Variants in TRERF1 observed in about 807,000 individuals in gnomAD.
TRERF1 encodes transcriptional-regulating factor 1.
Under a neutral mutation model 122.9 loss-of-function variants are expected in TRERF1, and 27 were observed. That is an observed-to-expected ratio of 0.22 (90% CI 0.16 to 0.30). TRERF1 has a LOEUF of 0.30. TRERF1 is among the 10% of genes least tolerant of loss of function. The pLI is 1.00. For synonymous variants in TRERF1, 636 were observed against 641.7 expected (o/e 0.99, Z 0.13); for missense variants, 1,248 against 1,560.3 (o/e 0.80, Z 3.37).
At chr6:42,331,554 TA>T (rs1419986486) in intron 3 of TRERF1, among the ~76,000 whole-genome samples, 3 of 152,254 alleles carry the variant, frequency 2.0e-5, no homozygotes, top group African/African-American at 7.2e-5. Flanking sequence ...GCCCACCGGA[TA>T]ACCACTAAGT....
At chr6:42,371,320 G>A (rs1229524113) in intron 2 of TRERF1, among the ~76,000 whole-genome samples, 1 of 152,192 alleles carries the variant, frequency 6.6e-6, no homozygotes, top group African/African-American at 2.4e-5. Flanking sequence ...CCTAAACAAA[G>A]AACTCTCAAC....
rs941929915 is a variant in TRERF1, at chr6:42,309,054, A to G, written c.-370-8305T>C. Among the ~76,000 whole-genome samples, 3 of 152,144 alleles carry G rather than the reference A, an allele frequency of 2.0e-5. No individual in the cohort carries two copies. In the East Asian group the frequency reaches 5.8e-4, roughly 29 times the overall value. ...TAAAAGAAGCTTCCTGGGCCCTACC[A>G]TTAGAGACTTTAACTCATTAGGTCT... On this transcript the variant is annotated intron_variant, in intron 3 of 17. Coordinates refer to ENST00000372922, the Ensembl canonical transcript of TRERF1.
At chr6:42,230,779 G>T (rs1006813527) in intron 17 of TRERF1, among the ~76,000 whole-genome samples, 1 of 152,166 alleles carries the variant, frequency 6.6e-6, no homozygotes, top group Non-Finnish European at 1.5e-5. Flanking sequence ...GTGCTTCATG[G>T]GGGGAAGTGA....
chr6:42,430,026 G>T (rs1307183718), intron 2 of TRERF1, among the ~76,000 whole-genome samples: 1 of 151,864 alleles, frequency 6.6e-6, no homozygotes, highest in African/African-American at 2.4e-5. Context: ...AGAGAGGACG[G>T]CTGTGCAAAG....
chr6:42,415,782 C>T (rs1466327217), intron 2 of TRERF1, among the ~76,000 whole-genome samples: 1 of 152,086 alleles, frequency 6.6e-6, no homozygotes, highest in East Asian at 1.9e-4. Context: ...TACCATGTAT[C>T]AGAGCTAGAA....
exon 18 of TRERF1, chr6:42,225,241 T>C (rs2149439306): frequency 6.6e-6 from 1 of 151,224 alleles, no homozygotes; most frequent in Non-Finnish European, 1.5e-5. Flanking sequence ...TGCACCTTTT[T>C]AGGACAAGTC....
At chr6:42,266,153 C>T (rs1015808868) in intron 5 of TRERF1, among the ~76,000 whole-genome samples, 5 of 151,456 alleles carry the variant, frequency 3.3e-5, no homozygotes, top group African/African-American at 4.9e-5. Context: ...AGGTGGGAGA[C>T]GCAGCATTAT....
At chr6:42,338,599 C>G (rs1391345249) in intron 3 of TRERF1, among the ~76,000 whole-genome samples, 1 of 152,164 alleles carries the variant, frequency 6.6e-6, no homozygotes, top group Non-Finnish European at 1.5e-5. Flanking sequence ...AGCTGGAAAC[C>G]AGATCAAAGG....
intron 2 of TRERF1, among the ~76,000 whole-genome samples, chr6:42,389,211 C>T (rs929830779): frequency 2.6e-5 from 4 of 152,242 alleles, no homozygotes; most frequent in African/African-American, 7.2e-5. Flanking sequence ...AAGGCTGTGG[C>T]ACAGGCAAGA....
intron 13 of TRERF1, among the ~76,000 whole-genome samples, chr6:42,252,459 C>T (rs1480297379): frequency 6.6e-6 from 1 of 152,156 alleles, no homozygotes; most frequent in Non-Finnish European, 1.5e-5. Context: ...AGAGCAAATT[C>T]GGGGCTGGGA....
intron 3 of TRERF1, among the ~76,000 whole-genome samples, chr6:42,347,660 G>A (rs1391776993): frequency 6.6e-6 from 1 of 152,170 alleles, no homozygotes; most frequent in Non-Finnish European, 1.5e-5. Context: ...ATGGCAGTAT[G>A]TGCTGTGGAG....
intron 2 of TRERF1, among the ~76,000 whole-genome samples, chr6:42,443,194 C>T (rs1419527893): frequency 6.6e-6 from 1 of 152,164 alleles, no homozygotes; most frequent in Non-Finnish European, 1.5e-5. Context: ...GCCCCATTAT[C>T]CACAGGTGTG....
At chr6:42,376,118 A>G (rs1465634502) in intron 2 of TRERF1, among the ~76,000 whole-genome samples, 3 of 152,124 alleles carry the variant, frequency 2.0e-5, no homozygotes, top group South Asian at 2.1e-4. Flanking sequence ...GGTCAGCCCA[A>G]TCAGTGTGAA....
In TRERF1 at chr6:42,265,765, C is replaced by T. The variant is rs749712448; in HGVS notation, c.1470G>A (p.Gly490=). Residue 490 remains glycine (G), a synonymous_variant, in exon 6 of 18, where the codon GGG becomes GGA. Coordinates refer to ENST00000372922, the Ensembl canonical transcript of TRERF1. The stretch of plus-strand genomic sequence containing the variant: ...ACTCATCCTACCTTGACTCAGGGGA[C>T]CCTGGCTGGGCTCTCCCATCAGGTA... 6 of 1,613,268 alleles carry T rather than the reference C, an allele frequency of 3.7e-6. No individual in the cohort carries two copies. In the Admixed American group the frequency reaches 6.7e-5, roughly 18 times the overall value.
Position 42,232,542 on chromosome 6 carries a change from C to T in TRERF1, c.3278+139G>A. 2 of 1,148,924 alleles carry T rather than the reference C, an allele frequency of 1.7e-6. No homozygotes were observed. Among genetic ancestry groups the T allele is most frequent in the Non-Finnish European group, 1.2e-6 (1 of 836,080 alleles). The allele number at this position is 1,148,924 out of a possible 1,614,324, so 71.2% of individuals were successfully genotyped here. ...TCTGCAACAGGACTACATACCCATCCCAAAGATGACACGAAGAAGAGTTTT... is the reference window on the plus strand; with the variant it reads ...TCTGCAACAGGACTACATACCCATCTCAAAGATGACACGAAGAAGAGTTTT... On this transcript the variant is annotated intron_variant, in intron 17 of 17. Coordinates refer to ENST00000372922, the Ensembl canonical transcript of TRERF1. The surrounding 1 kb of genome is among the most constrained non-coding windows in gnomAD (Gnocchi z 4.5).
At chr6:42,302,076 G>C (rs1389817512) in intron 3 of TRERF1, among the ~76,000 whole-genome samples, 1 of 152,076 alleles carries the variant, frequency 6.6e-6, no homozygotes, top group East Asian at 1.9e-4. Context: ...CCTCCACCCT[G>C]AACTTCCCAA....
chr6:42,334,036 C>A (rs1458712286), intron 3 of TRERF1, among the ~76,000 whole-genome samples: 1 of 151,728 alleles, frequency 6.6e-6, no homozygotes, highest in Non-Finnish European at 1.5e-5. Context: ...CGTATGTACA[C>A]ATATATGTAT....
intron 2 of TRERF1, among the ~76,000 whole-genome samples, chr6:42,366,552 T>G (rs947495652): frequency 3.3e-5 from 5 of 152,202 alleles, no homozygotes; most frequent in Admixed American, 3.3e-4. Flanking sequence ...AAGGTCTTGG[T>G]GTCCTTCCTT....
At chr6:42,423,257 T>C (rs1344425189) in intron 2 of TRERF1, among the ~76,000 whole-genome samples, 1 of 152,234 alleles carries the variant, frequency 6.6e-6, no homozygotes, top group African/African-American at 2.4e-5. Flanking sequence ...CATACAAACA[T>C]GTTCCTTCTT....
Sources: allele counts gnomAD v4.1 joint callset (sites outside exome capture counted in the v4.1 genomes callset), GRCh38; gene constraint gnomAD v4.1.1; non-coding constraint Gnocchi (gnomAD v3.1); transcripts MANE v1.5; gene names NCBI Gene and HGNC (gene_info 2026-07-23, HGNC 2026-07-21).